Variants in EHBP1 observed in about 807,000 individuals in gnomAD.
EHBP1 encodes EH domain binding protein 1.
A neutral mutation model predicts 144.0 loss-of-function variants in EHBP1; 55 were observed. The observed-to-expected ratio is 0.38, with a 90% confidence interval of 0.31 to 0.48. The LOEUF (loss-of-function observed/expected upper bound fraction) is 0.48. Among genes scored for constraint, EHBP1 ranks in the 20% least tolerant of loss-of-function variants. The probability of loss-of-function intolerance (pLI) is 0.98; values close to 1 mark genes in which losing one functional copy is unlikely to be tolerated. For synonymous variants in EHBP1, 469 were observed against 472.7 expected, an observed-to-expected ratio of 0.99 and a Z score of 0.10; for missense variants, 1,200 against 1,364.2, an observed-to-expected ratio of 0.88 and a Z score of 1.90.
chr2:62,717,080 A>G (rs186902933), intron 2 of EHBP1, among the ~76,000 whole-genome samples: 1 of 152,274 alleles, frequency 6.6e-6, no homozygotes, highest in African/African-American at 2.4e-5. Flanking sequence ...GTTTTTACTT[A>G]AAAATTTTTT....
chr2:62,751,235 A>G (rs1249328460), intron 3 of EHBP1, among the ~76,000 whole-genome samples: 2 of 152,176 alleles, frequency 1.3e-5, no homozygotes, highest in African/African-American at 4.8e-5. Context: ...GCATCTATTG[A>G]GATAATCATG....
At chr2:62,825,245 G>A (rs996111881) in intron 5 of EHBP1, among the ~76,000 whole-genome samples, 2 of 151,944 alleles carry the variant, frequency 1.3e-5, no homozygotes, top group African/African-American at 4.8e-5. Flanking sequence ...ACGATGTCTT[G>A]TACAAAGTTA....
At chr2:63,019,995 C>G (rs1484716097) in intron 19 of EHBP1, among the ~76,000 whole-genome samples, 4 of 151,364 alleles carry the variant, frequency 2.6e-5, no homozygotes, top group African/African-American at 9.7e-5. Flanking sequence ...TGGAGACCGG[C>G]CTGGCCAACA....
Position 62,824,395 on chromosome 2 carries a change from A to G in EHBP1, c.313-1692A>G, listed in dbSNP as rs186230172. ...AGAAATTGTTAGCTATTCTAAAGGT[A>G]CAATGAGAGATTATTGTTCATATCA... On this transcript the variant is annotated intron_variant, in intron 5 of 22. Coordinates refer to ENST00000431489, the MANE Select transcript of EHBP1 (RefSeq NM_001142616.3). Among the ~76,000 whole-genome samples the G allele has an allele frequency of 2.2e-3, 341 of 152,118 alleles. 5 individuals carry two copies. Among genetic ancestry groups the G allele is most frequent in the Admixed American group, 5.4e-3 (83 of 15,278 alleles).
chr2:62,963,991 A>G (rs1574269702), intron 14 of EHBP1, among the ~76,000 whole-genome samples: 3 of 152,170 alleles, frequency 2.0e-5, no homozygotes, highest in South Asian at 2.1e-4. Context: ...GCGTACTTCT[A>G]TGTTCAGCAT....
intron 8 of EHBP1, among the ~76,000 whole-genome samples, chr2:62,860,498 GAA>G (rs56995103): frequency 2.0e-5 from 3 of 150,644 alleles, no homozygotes; most frequent in South Asian, 4.2e-4. Context: ...CTCAAAAAAA[GAA>G]AAAAAAAATT....
chr2:62,935,350 T>G (rs1023097831), intron 10 of EHBP1, among the ~76,000 whole-genome samples: 1 of 146,398 alleles, frequency 6.8e-6, no homozygotes, highest in African/African-American at 2.5e-5. Flanking sequence ...AAAAAATATA[T>G]ATATATATAT....
chr2:62,869,166 G>A (rs913627324), intron 9 of EHBP1, among the ~76,000 whole-genome samples: 6 of 152,106 alleles, frequency 3.9e-5, no homozygotes, highest in African/African-American at 1.4e-4. Flanking sequence ...TGTCAAGGAT[G>A]TGGGGCCACC....
intron 15 of EHBP1, among the ~76,000 whole-genome samples, chr2:62,989,999 C>A (rs993124180): frequency 1.3e-5 from 2 of 152,068 alleles, no homozygotes; most frequent in Non-Finnish European, 1.5e-5. Flanking sequence ...TATCATCCAG[C>A]AAATGGTGGA....
At chr2:62,764,870 G>A (rs1300650796) in intron 4 of EHBP1, among the ~76,000 whole-genome samples, 1 of 152,026 alleles carries the variant, frequency 6.6e-6, no homozygotes, top group Non-Finnish European at 1.5e-5. Context: ...ACCTCATAGA[G>A]GAGGTGCTTT....
At chr2:63,031,277 A>G (rs980650436) in intron 19 of EHBP1, among the ~76,000 whole-genome samples, 2 of 152,150 alleles carry the variant, frequency 1.3e-5, no homozygotes, top group African/African-American at 4.8e-5. Context: ...AAAGGCCTTC[A>G]GGAGAGTGGA....
intron 2 of EHBP1, among the ~76,000 whole-genome samples, chr2:62,708,527 C>T (rs2034821004): frequency 6.6e-6 from 1 of 152,146 alleles, no homozygotes; most frequent in African/African-American, 2.4e-5. Context: ...TTCAAGTTTC[C>T]ATATCCATAA....
intron 2 of EHBP1, among the ~76,000 whole-genome samples, chr2:62,727,444 C>G (rs1370599994): frequency 1.3e-5 from 2 of 152,064 alleles, no homozygotes; most frequent in African/African-American, 2.4e-5. Flanking sequence ...GAAAAAATCC[C>G]GTACCTGTTA....
chr2:62,718,281 G>T (rs2035879814), intron 2 of EHBP1, among the ~76,000 whole-genome samples: 1 of 152,154 alleles, frequency 6.6e-6, no homozygotes, highest in African/African-American at 2.4e-5. Context: ...TTAGTTTTGT[G>T]CTGTCTAGTA....
intron 10 of EHBP1, among the ~76,000 whole-genome samples, chr2:62,928,461 C>T (rs2055709959): frequency 6.6e-6 from 1 of 152,116 alleles, no homozygotes; most frequent in South Asian, 2.1e-4. Flanking sequence ...CCAAGTTTGA[C>T]AATGGCTGCT....
chr2:63,040,632 A>G (rs1574590120), intron 21 of EHBP1, among the ~76,000 whole-genome samples: 1 of 152,230 alleles, frequency 6.6e-6, no homozygotes, highest in Admixed American at 6.5e-5. Context: ...TGTTTTAAAT[A>G]CATTGTCTGT....
chr2:62,755,929 G>A (rs1346320701), intron 3 of EHBP1, among the ~76,000 whole-genome samples: 1 of 151,918 alleles, frequency 6.6e-6, no homozygotes, highest in East Asian at 1.9e-4. Flanking sequence ...AGCAATTATT[G>A]TCTAAGAGAA....
intron 10 of EHBP1, among the ~76,000 whole-genome samples, chr2:62,911,419 G>C (rs905115677): frequency 1.3e-5 from 2 of 151,892 alleles, no homozygotes; most frequent in Non-Finnish European, 1.5e-5. Flanking sequence ...ATGTTTTCTT[G>C]GTTATTTTTT....
At chr2:62,862,294 T>C (rs1176553131) in intron 8 of EHBP1, among the ~76,000 whole-genome samples, 1 of 152,212 alleles carries the variant, frequency 6.6e-6, no homozygotes, top group Non-Finnish European at 1.5e-5. Context: ...ATGTACAGTA[T>C]ACGTGGTTTG....
Sources: allele counts gnomAD v4.1 joint callset (sites outside exome capture counted in the v4.1 genomes callset), GRCh38; gene constraint gnomAD v4.1.1; transcripts MANE v1.5; gene names NCBI Gene and HGNC (gene_info 2026-07-23, HGNC 2026-07-21).